Variants in ZNF280C observed in about 807,000 individuals in gnomAD.
ZNF280C encodes the protein zinc finger protein 280C.
Under a neutral mutation model 53.6 loss-of-function variants are expected in ZNF280C, and 14 were observed. The ratio of observed to expected loss-of-function variants is 0.26; its 90% CI spans 0.17 to 0.41. ZNF280C has a LOEUF of 0.41. Ranked by LOEUF, ZNF280C falls within the 10% of genes least tolerant of loss-of-function variation. The pLI is 1.00. For synonymous variants in ZNF280C, 203 were observed against 181.1 expected (o/e 1.12, Z -0.97); for missense variants, 416 against 547.1 (o/e 0.76, Z 2.39).
At chrX:130,225,165 T>C (rs1354947279) in intron 12 of ZNF280C, among the ~76,000 whole-genome samples, 1 of 111,401 alleles carries the variant, frequency 9.0e-6, no homozygotes, top group Non-Finnish European at 1.9e-5. Context: ...TTTCTAAGCA[T>C]GTTATCACTC....
intron 2 of ZNF280C, among the ~76,000 whole-genome samples, chrX:130,256,751 T>A (rs1225759044): frequency 9.4e-6 from 1 of 106,465 alleles, no homozygotes; most frequent in Non-Finnish European, 1.9e-5. Context: ...ATACAAAAAT[T>A]TGCAGTGCAT....
chrX:130,230,234 TAATAAATGTAGGGA>T (rs1203738406), intron 9 of ZNF280C, among the ~76,000 whole-genome samples: 2 of 111,811 alleles, frequency 1.8e-5, no homozygotes, highest in African/African-American at 6.5e-5. Flanking sequence ...TCTAGTTCAG[TAATAAATGTAGGGA>T]AAATAAGTAG....
In ZNF280C at chrX:130,230,628, T is replaced by A; in HGVS notation, c.871A>T (p.Ile291Phe). 8.3e-7 allele frequency: 1 copy of A among 1,209,107 alleles called. No individual in the cohort carries two copies. The highest frequency in any genetic ancestry group is 1.8e-5 in the South Asian group (1 of 56,851). Reference protein sequence around the residue: ...DKTDSETGKLIMLVNEFYYGR... With the variant: ...DKTDSETGKLFMLVNEFYYGR... ...TAATAAAACTCATTGACTAACATGA[T>A]CAACTTTCCTGTCTCTGAATCAGTC... is the stretch of plus-strand genomic sequence containing the variant. The change falls in exon 9 of 19, where the codon ATC becomes TTC. Residue 291 changes from isoleucine (I) to phenylalanine (F), a missense_variant. By Grantham distance (21) the Ile-to-Phe change is conservative (BLOSUM62 0). Coordinates refer to ENST00000370978, the MANE Select transcript of ZNF280C (RefSeq NM_017666.5).
At chrX:130,228,618 T>A (rs923141317) in intron 10 of ZNF280C, among the ~76,000 whole-genome samples, 1 of 22,252 alleles carries the variant, frequency 4.5e-5, no homozygotes, top group Non-Finnish European at 6.1e-5. Context: ...TTTCTTCTAC[T>A]TTTTTTTTTT....
intron 13 of ZNF280C, among the ~76,000 whole-genome samples, chrX:130,219,394 C>T (rs1368441621): frequency 6.0e-5 from 6 of 100,460 alleles, no homozygotes; most frequent in Non-Finnish European, 1.2e-4. Flanking sequence ...GACTGAGGCA[C>T]GAGAATCACT....
At chrX:130,236,770 T>C in intron 6 of ZNF280C, 131 bp from the exon 7 acceptor site, 1 of 371,181 alleles carries the variant, frequency 2.7e-6, no homozygotes, top group Middle Eastern at 7.4e-4. Context: ...AAGTTAAAGG[T>C]AATATAATTT....
At chrX:130,227,819 A>T (rs754139884) in intron 10 of ZNF280C, 37 bp from the exon 11 acceptor site, 2 of 762,058 alleles carry the variant, frequency 2.6e-6, no homozygotes, top group Admixed American at 5.3e-5. Context: ...CCATTTAAGG[A>T]TGTATATAAA....
At chrX:130,230,757 C>T in intron 8 of ZNF280C, 30 bp from the exon 9 acceptor site, 1 of 987,017 alleles carries the variant, frequency 1.0e-6, no homozygotes, top group South Asian at 2.2e-5. Flanking sequence ...TGAGCCTTGT[C>T]TACAGCTCTT....
chrX:130,220,126 C>T (rs909478418), intron 13 of ZNF280C, among the ~76,000 whole-genome samples: 5 of 110,558 alleles, frequency 4.5e-5, no homozygotes, highest in East Asian at 2.8e-4. Flanking sequence ...ATCAGGGTAA[C>T]GGGTATCCAT....
chrX:130,217,405 G>A (rs1000106782), intron 13 of ZNF280C, among the ~76,000 whole-genome samples: 2 of 112,128 alleles, frequency 1.8e-5, no homozygotes, highest in Non-Finnish European at 3.8e-5. Context: ...AAAATCCATA[G>A]ACACTAAAAG....
chrX:130,225,664 A>AT (rs1556306322), intron 12 of ZNF280C, among the ~76,000 whole-genome samples: 882 of 69,338 alleles, frequency 0.013, 11 homozygotes, highest in African/African-American at 0.072. Flanking sequence ...GCCTACCAGG[A>AT]TAAAAAAAAA....
chrX:130,232,408 T>C (rs1044867983), intron 8 of ZNF280C, among the ~76,000 whole-genome samples: 5 of 109,298 alleles, frequency 4.6e-5, no homozygotes, highest in East Asian at 2.8e-4. Context: ...AGAAGAATTC[T>C]CTAAGAATAA....
At chrX:130,267,523 C>T (rs1175169136) in intron 1 of ZNF280C, among the ~76,000 whole-genome samples, 1 of 111,663 alleles carries the variant, frequency 9.0e-6, no homozygotes, top group Non-Finnish European at 1.9e-5. Context: ...GTTTCCTCAT[C>T]TTCAAACAGT....
chrX:130,214,026 C>T (rs2032072647), intron 15 of ZNF280C, among the ~76,000 whole-genome samples: 1 of 111,726 alleles, frequency 9.0e-6, no homozygotes, highest in South Asian at 3.8e-4. Context: ...TCTTGAACTC[C>T]TAGGCTCAAG....
intron 1 of ZNF280C, among the ~76,000 whole-genome samples, chrX:130,262,746 C>T (rs1172591912): frequency 3.6e-5 from 4 of 111,820 alleles, no homozygotes; most frequent in African/African-American, 1.3e-4. Flanking sequence ...GTTTAATACA[C>T]TGTTCTTCTG....
chrX:130,214,240 G>A, intron 15 of ZNF280C, among the ~76,000 whole-genome samples: 1 of 112,016 alleles, frequency 8.9e-6, no homozygotes, highest in Non-Finnish European at 1.9e-5. Flanking sequence ...AGGTTCAAAT[G>A]AAAGTAAGGG....
chrX:130,226,806 C>T lies in ZNF280C; in HGVS notation c.1348G>A (p.Val450Ile). 1.7e-6 allele frequency: 2 copies of T among 1,210,618 alleles called. No homozygotes were observed. The highest frequency in any genetic ancestry group is 2.2e-6 in the Non-Finnish European group (2 of 894,745). Reference sequence around the variant, plus strand: ...ATGTAGGGGGTTGCCATTTTACTAACTTTGAGGCAAAATGGACATAGCAAG... The same window carrying T: ...ATGTAGGGGGTTGCCATTTTACTAATTTTGAGGCAAAATGGACATAGCAAG... ...KNLLCPFCLK[V>I]SKMATPYMNH... The change falls in exon 12 of 19, where the codon GTT (valine) becomes ATT (isoleucine). Residue 450 changes from valine to isoleucine, a missense_variant. Val to Ile is a conservative substitution (Grantham distance 29). Coordinates refer to ENST00000370978, the MANE Select transcript of ZNF280C (RefSeq NM_017666.5).
chrX:130,227,194 TAA>T (rs1193651418), intron 11 of ZNF280C, among the ~76,000 whole-genome samples: 1 of 111,563 alleles, frequency 9.0e-6, no homozygotes, highest in Non-Finnish European at 1.9e-5. Flanking sequence ...AATATTGTTC[TAA>T]AAAGCTTTTC....
At chrX:130,215,567 A>G (rs1488802744) in intron 14 of ZNF280C, among the ~76,000 whole-genome samples, 2 of 112,178 alleles carry the variant, frequency 1.8e-5, no homozygotes, top group Non-Finnish European at 3.8e-5. Flanking sequence ...CTATCATAAG[A>G]TAAAAGCACA....
Sources: allele counts gnomAD v4.1 joint callset (sites outside exome capture counted in the v4.1 genomes callset), GRCh38; gene constraint gnomAD v4.1.1; transcripts MANE v1.5; gene names NCBI Gene and HGNC (gene_info 2026-07-23, HGNC 2026-07-21).